ERBB4: variants seen among roughly 807,000 people sequenced by gnomAD.
The protein encoded by ERBB4 is erb-b2 receptor tyrosine kinase 4, also known as receptor tyrosine-protein kinase erbB-4.
A neutral mutation model predicts 158.0 loss-of-function variants in ERBB4; 42 were observed. That is an observed-to-expected ratio of 0.27 (90% CI 0.21 to 0.34). The LOEUF (loss-of-function observed/expected upper bound fraction) is 0.34, where lower values mean the gene tolerates loss of function less well. Among genes scored for constraint, ERBB4 ranks in the 10% least tolerant of loss-of-function variants. The probability of loss-of-function intolerance (pLI) is 1.00; values close to 1 mark genes in which losing one functional copy is unlikely to be tolerated. For synonymous variants in ERBB4, 583 were observed against 558.7 expected, an observed-to-expected ratio of 1.04 and a Z score of -0.61; for missense variants, 1,333 against 1,624.1, an observed-to-expected ratio of 0.82 and a Z score of 3.08.
chr2:212,302,501 T>C (rs539001452), intron 1 of ERBB4, among the ~76,000 whole-genome samples: 19 of 151,596 alleles, frequency 1.3e-4, no homozygotes, highest in African/African-American at 2.7e-4. Context: ...GCCATCAAAA[T>C]AAGGGGTGAA....
At chr2:212,450,139 C>T (rs1043754499) in intron 1 of ERBB4, among the ~76,000 whole-genome samples, 1 of 152,092 alleles carries the variant, frequency 6.6e-6, no homozygotes. Flanking sequence ...ATTTCAAACA[C>T]AACAGAAGAA....
At chr2:212,376,650 A>G (rs1484880284) in intron 1 of ERBB4, among the ~76,000 whole-genome samples, 1 of 152,006 alleles carries the variant, frequency 6.6e-6, no homozygotes, top group African/African-American at 2.4e-5. Context: ...CTAATTTAAA[A>G]TATCTTTAAA....
At chr2:212,508,064 A>C (rs1025530257) in intron 1 of ERBB4, among the ~76,000 whole-genome samples, 2 of 152,202 alleles carry the variant, frequency 1.3e-5, no homozygotes, top group African/African-American at 2.4e-5. Context: ...ACAGCCAAGC[A>C]AGACCCTCCC....
intron 1 of ERBB4, among the ~76,000 whole-genome samples, chr2:212,213,220 GA>G (rs58537353): frequency 1.4e-4 from 21 of 151,468 alleles, no homozygotes; most frequent in African/African-American, 5.1e-4. Context: ...AAATTTACAA[GA>G]AAAAAACAAC....
intron 1 of ERBB4, among the ~76,000 whole-genome samples, chr2:212,183,295 C>G (rs923911810): frequency 6.6e-6 from 1 of 151,874 alleles, no homozygotes; most frequent in African/African-American, 2.4e-5. Context: ...AAACTTTAAA[C>G]TTCTATGGAT....
Position 211,959,463 on chromosome 2 carries a change from T to C in ERBB4, c.235-11847A>G, listed in dbSNP as rs1185319585. ...ATTATAAAGCTACCTCATTTTCTGG[T>C]CATACATTGGCACCTTCCATTTTGG... is the stretch of plus-strand genomic sequence containing the variant. On this transcript the variant is annotated intron_variant, in intron 2 of 27. Coordinates refer to ENST00000342788, the MANE Select transcript of ERBB4 (RefSeq NM_005235.3). Among the ~76,000 whole-genome samples the C allele has an allele frequency of 2.0e-5, 3 of 152,148 alleles. No homozygotes were observed. The East Asian group carries it at 5.8e-4, about 29-fold the overall frequency.
chr2:212,168,484 T>C (rs746696925), intron 1 of ERBB4, among the ~76,000 whole-genome samples: 2 of 152,132 alleles, frequency 1.3e-5, no homozygotes, highest in Non-Finnish European at 2.9e-5. Context: ...GAGGGCACCA[T>C]GCTAAGAGCT....
rs936300077 is a variant in ERBB4 at position 211,379,861 on chromosome 2, A to G, written c.*3754T>C. ...TTCCCTGTCAGGCTTAAACAATTTT[A>G]ATTTTCTTTTCATTTTTGATACTTC... On this transcript the variant is annotated 3_prime_UTR_variant, in exon 28 of 28. Coordinates refer to ENST00000342788, the MANE Select transcript of ERBB4 (RefSeq NM_005235.3). The G allele has an allele frequency of 1.3e-5, 3 of 231,954 alleles. No individual in the cohort carries two copies. The highest frequency in any genetic ancestry group is 6.6e-5 in the African/African-American group (3 of 45,270). 14.4% of individuals were successfully genotyped at this position (231,954 alleles called of 1,614,324 possible).
chr2:211,807,162 A>G (rs1013887578), intron 3 of ERBB4, among the ~76,000 whole-genome samples: 16 of 152,102 alleles, frequency 1.1e-4, no homozygotes, highest in African/African-American at 3.9e-4. Context: ...TTTTAATTAT[A>G]CTTTAAGTTC....
At chr2:212,386,152 C>T (rs988694081) in intron 1 of ERBB4, among the ~76,000 whole-genome samples, 6 of 151,580 alleles carry the variant, frequency 4.0e-5, no homozygotes, top group African/African-American at 1.5e-4. Context: ...AAAAAATACA[C>T]TTTTTTGTAT....
intron 19 of ERBB4, among the ~76,000 whole-genome samples, chr2:211,567,765 C>G (rs930883304): frequency 2.1e-5 from 3 of 143,866 alleles, no homozygotes; most frequent in Non-Finnish European, 4.5e-5. Context: ...GAAAAACGAA[C>G]AAGACACTAA....
At chr2:212,443,448 T>C (rs918645825) in intron 1 of ERBB4, among the ~76,000 whole-genome samples, 3 of 152,164 alleles carry the variant, frequency 2.0e-5, no homozygotes, top group Admixed American at 6.5e-5. Flanking sequence ...TGTTGAGACA[T>C]TCCTACTAAG....
At chr2:211,600,247 A>G (rs1249705970) in intron 19 of ERBB4, among the ~76,000 whole-genome samples, 1 of 152,202 alleles carries the variant, frequency 6.6e-6, no homozygotes, top group East Asian at 1.9e-4. Context: ...TGTTTTAAGT[A>G]CATGCATTTT....
chr2:212,195,261 T>G (rs898835105), intron 1 of ERBB4, among the ~76,000 whole-genome samples: 1 of 151,988 alleles, frequency 6.6e-6, no homozygotes, highest in Admixed American at 6.6e-5. Context: ...TTTTAAAAAA[T>G]TCTGAATAGC....
At chr2:212,363,460 C>T (rs1052233519) in intron 1 of ERBB4, among the ~76,000 whole-genome samples, 3 of 151,282 alleles carry the variant, frequency 2.0e-5, no homozygotes, top group Non-Finnish European at 4.4e-5. Context: ...AAAGAACATG[C>T]TATTATAATC....
At chr2:211,523,556 C>G (rs59842158) in intron 20 of ERBB4, among the ~76,000 whole-genome samples, 18,364 of 151,374 alleles carry the variant, frequency 0.12, 1,914 homozygotes, top group African/African-American at 0.29. Context: ...TCGTGGTCTC[C>G]TAGGCTCAGG....
intron 18 of ERBB4, among the ~76,000 whole-genome samples, chr2:211,620,956 A>T (rs1574870029): frequency 6.6e-6 from 1 of 152,190 alleles, no homozygotes; most frequent in African/African-American, 2.4e-5. Context: ...AAAATAAAAA[A>T]ATTTAAAAAT....
At chr2:212,138,199 T>C (rs1477680320) in intron 1 of ERBB4, among the ~76,000 whole-genome samples, 1 of 152,082 alleles carries the variant, frequency 6.6e-6, no homozygotes, top group African/African-American at 2.4e-5. Flanking sequence ...TTACCCACAA[T>C]AACATATAAA....
chr2:211,485,625 G>A (rs1257549619), intron 20 of ERBB4, among the ~76,000 whole-genome samples: 2 of 149,592 alleles, frequency 1.3e-5, no homozygotes, highest in African/African-American at 2.5e-5. Context: ...TGTATGTCTT[G>A]TCTCCTAATT....
Sources: allele counts gnomAD v4.1 joint callset (sites outside exome capture counted in the v4.1 genomes callset), GRCh38; gene constraint gnomAD v4.1.1; transcripts MANE v1.5; gene names NCBI Gene and HGNC (gene_info 2026-07-23, HGNC 2026-07-21).